Variants in DAO observed in about 807,000 individuals in gnomAD.
DAO encodes the protein D-amino-acid oxidase.
In DAO, 51 loss-of-function variants were observed where a neutral mutation model predicts 50.1. The ratio of observed to expected loss-of-function variants is 1.02; its 90% confidence interval spans 0.81 to 1.29. DAO has a LOEUF of 1.29. Among genes scored for constraint, DAO ranks in the 50% most tolerant of loss-of-function variants. DAO has a pLI of 0.00. For synonymous variants in DAO, 160 were observed against 166.2 expected (o/e 0.96, Z 0.29); for missense variants, 436 against 439.4 (o/e 0.99, Z 0.07).
chr12:108,881,474 AACACACACACACACACACAC>A (rs59694062), intron 1 of DAO, among the ~76,000 whole-genome samples: 1 of 138,500 alleles, frequency 7.2e-6, no homozygotes, highest in Non-Finnish European at 1.6e-5. Context: ...TGTATTTTAA[AACACACACACACACACACAC>A]ACACACACAC....
Position 108,900,404 on chromosome 12 carries a change from G to C in DAO, c.913G>C (p.Val305Leu). 6.2e-7 allele frequency: 1 copy of C among 1,613,932 alleles called. No homozygotes were observed. Among genetic ancestry groups the C allele is most frequent in the Non-Finnish European group, 8.5e-7 (1 of 1,179,900 alleles). ...CCACCTTCTCTCTTGCCTCTCCTAGGTCATCCACAACTATGGCCATGGAGG... is the reference window on the plus strand; with the variant it reads ...CCACCTTCTCTCTTGCCTCTCCTAGCTCATCCACAACTATGGCCATGGAGG... Reference protein sequence around the residue: ...QLRTGPSNTEVIHNYGHGGYG... With the variant: ...QLRTGPSNTELIHNYGHGGYG... Residue 305 changes from valine (V) to leucine (L), a missense_variant and splice_region_variant, in exon 11 of 11, where the codon GTC becomes CTC. Physicochemically the swap from Val to Leu is conservative, Grantham distance 32. Transcript: ENST00000228476.
At chr12:108,885,831 T>A (rs1362544654) in intron 2 of DAO, among the ~76,000 whole-genome samples, 1 of 152,204 alleles carries the variant, frequency 6.6e-6, no homozygotes, top group Admixed American at 6.5e-5. Flanking sequence ...CCTGGCTCAC[T>A]GCATCCTCTG....
intron 1 of DAO, chr12:108,883,594 T>C (rs1045887966): frequency 2.2e-6 from 1 of 456,278 alleles, no homozygotes; most frequent in Non-Finnish European, 4.4e-6. Context: ...TATTTAATCC[T>C]TAAAATGACC....
At chr12:108,900,140 T>C (rs2039605603) in intron 10 of DAO, 1 of 441,780 alleles carries the variant, frequency 2.3e-6, no homozygotes, top group Non-Finnish European at 4.2e-6. Context: ...GTCAGACCAC[T>C]GGTGGAAGGC....
At position 108,882,235 on chromosome 12, in the gene DAO, G is replaced by A. The variant is rs182775722; in HGVS notation, c.-10+2011G>A. On this transcript the variant is annotated intron_variant, in intron 1 of 10. Coordinates refer to ENST00000228476, the MANE Select transcript of DAO (RefSeq NM_001917.5). ...CTCATAAAAGTTTATAGATGAGGTCGGGCATGGTGGCTCACGCCTGTAATC... is the reference window on the plus strand; with the variant it reads ...CTCATAAAAGTTTATAGATGAGGTCAGGCATGGTGGCTCACGCCTGTAATC... Among the ~76,000 whole-genome samples the A allele has an allele frequency of 2.6e-5, 4 of 152,268 alleles. No homozygotes were observed. In the East Asian group the frequency reaches 7.7e-4, roughly 29 times the overall value.
intron 7 of DAO, among the ~76,000 whole-genome samples, chr12:108,896,560 G>A (rs776587917): frequency 6.6e-6 from 1 of 151,994 alleles, no homozygotes; most frequent in Non-Finnish European, 1.5e-5. Context: ...ACCCCTTAGG[G>A]AAGAAAGCCT....
intron 7 of DAO, among the ~76,000 whole-genome samples, chr12:108,895,516 C>T (rs1057161358): frequency 2.8e-5 from 3 of 109,088 alleles, no homozygotes; most frequent in African/African-American, 8.0e-5. Flanking sequence ...TGATGGTGTG[C>T]GTGCATGCAC....
chr12:108,889,624 G>C, intron 4 of DAO, 79 bp downstream of exon 4: 1 of 1,153,114 alleles, frequency 8.7e-7, no homozygotes, highest in East Asian at 2.5e-5. Context: ...AGAGGGTAGA[G>C]GCACCAGATT....
intron 1 of DAO, among the ~76,000 whole-genome samples, chr12:108,882,526 T>A (rs1364070608): frequency 6.6e-6 from 1 of 150,862 alleles, no homozygotes; most frequent in East Asian, 2.0e-4. Context: ...AAAAATAAAG[T>A]TTATAGATGA....
At chr12:108,891,713 C>T (rs757273996) in intron 5 of DAO, among the ~76,000 whole-genome samples, 8 of 152,042 alleles carry the variant, frequency 5.3e-5, no homozygotes, top group Non-Finnish European at 1.0e-4. Flanking sequence ...ATGCTCCCAC[C>T]TCAGCCTCCA....
At chr12:108,896,166 G>A (rs1593166258) in intron 7 of DAO, among the ~76,000 whole-genome samples, 1 of 152,010 alleles carries the variant, frequency 6.6e-6, no homozygotes, top group Non-Finnish European at 1.5e-5. Context: ...ACTCACACCT[G>A]TAATCCCAGC....
At chr12:108,900,042 C>T (rs892618597) in intron 10 of DAO, 4 of 337,474 alleles carry the variant, frequency 1.2e-5, no homozygotes, top group Admixed American at 4.3e-5. Context: ...ATTAAATCTC[C>T]TCTGGAGCTC....
At chr12:108,895,353 A>G (rs1325947664) in intron 7 of DAO, among the ~76,000 whole-genome samples, 5 of 106,646 alleles carry the variant, frequency 4.7e-5, no homozygotes, top group South Asian at 3.0e-4. Context: ...GTGTGTGTGC[A>G]TGTGTGTGAG....
intron 1 of DAO, among the ~76,000 whole-genome samples, chr12:108,883,401 C>T (rs1301560885): frequency 6.6e-6 from 1 of 152,222 alleles, no homozygotes; most frequent in East Asian, 1.9e-4. Context: ...CCGCCTCGGC[C>T]TCCCGAGGTA....
Position 108,893,002 on chromosome 12 carries a change from AG to A in DAO, c.474del (p.Lys158AsnfsTer20), listed in dbSNP as rs2039508193. ...LTERLTERGV[K>X]FFQRKVESFE... is the part of the protein sequence containing the mutation. ...CCCAGGTTAACTGAGAGGGGAGTGAAGTTCTTCCAGCGGAAAGTGGAGTCTT... is the reference window on the plus strand; with the variant it reads ...CCCAGGTTAACTGAGAGGGGAGTGAATTCTTCCAGCGGAAAGTGGAGTCTT... On this transcript the variant is annotated frameshift_variant, in exon 6 of 11. Coordinates refer to ENST00000228476, the MANE Select transcript of DAO (RefSeq NM_001917.5). LOFTEE classifies it high-confidence loss of function. The A allele has an allele frequency of 6.2e-7, 1 of 1,614,040 alleles. No individual in the cohort carries two copies. The highest frequency in any genetic ancestry group is 1.3e-5 in the African/African-American group (1 of 75,038).
At position 108,889,473 on chromosome 12, in the gene DAO, C is replaced by G. The variant is rs532474005; in HGVS notation, c.314C>G (p.Pro105Arg). The G allele has an allele frequency of 8.2e-5, 132 of 1,611,236 alleles. 1 individual carries two copies. The South Asian group carries it at 1.4e-3, about 18-fold the overall frequency. Residue 105 changes from proline (P) to arginine (R), a missense_variant, in exon 4 of 11, where the codon CCT (proline) becomes CGT (arginine). By Grantham distance (103) the Pro-to-Arg change is moderately radical. Transcript: ENST00000228476. ...YNLFHEAIPD[P>R]SWKDTVLGFR... ...CCCTTTGTCCTTCCTCTTCAGGACCCTTCCTGGAAGGACACAGTTCTGGGA... is the reference window on the plus strand; with the variant it reads ...CCCTTTGTCCTTCCTCTTCAGGACCGTTCCTGGAAGGACACAGTTCTGGGA...
intron 9 of DAO, among the ~76,000 whole-genome samples, 165 bp downstream of exon 9, chr12:108,898,961 C>T (rs150174341): frequency 6.6e-6 from 1 of 152,310 alleles, no homozygotes; most frequent in African/African-American, 2.4e-5. Flanking sequence ...GAAGTTCTTG[C>T]TATGGGCTAA....
chr12:108,898,603 G>T, intron 8 of DAO, 76 bp from the exon 9 acceptor site: 2 of 986,092 alleles, frequency 2.0e-6, no homozygotes, highest in Non-Finnish European at 3.3e-6. Flanking sequence ...GAGGTGACAA[G>T]GTTGATGGTA....
chr12:108,897,123 C>A, intron 8 of DAO, 35 bp downstream of exon 8: 1 of 1,449,236 alleles, frequency 6.9e-7, no homozygotes, highest in Non-Finnish European at 9.7e-7. Context: ...GAAGAGTGGT[C>A]CCCTTCATGC....
Sources: allele counts gnomAD v4.1 joint callset (sites outside exome capture counted in the v4.1 genomes callset), GRCh38; gene constraint gnomAD v4.1.1; transcripts MANE v1.5; gene names NCBI Gene and HGNC (gene_info 2026-07-23, HGNC 2026-07-21).